The following TFDP2 variants were observed in gnomAD, a reference collection of about 807,000 sequenced individuals.
The protein encoded by TFDP2 is transcription factor Dp-2.
In TFDP2, 17 loss-of-function variants were observed where a neutral mutation model predicts 59.3. The observed-to-expected ratio is 0.29, with a 90% CI of 0.20 to 0.43. The LOEUF (loss-of-function observed/expected upper bound fraction) is 0.43, where lower values mean the gene tolerates loss of function less well. TFDP2 is among the 20% of genes least tolerant of loss of function. The probability of loss-of-function intolerance (pLI) is 1.00; values close to 1 mark genes in which losing one functional copy is unlikely to be tolerated. For missense variants in TFDP2, 391 were observed against 528.8 expected (o/e 0.74, Z 2.56); for synonymous variants, 180 against 194.7 (o/e 0.92, Z 0.63).
At chr3:141,964,975 C>A (rs1388845705) in intron 9 of TFDP2, among the ~76,000 whole-genome samples, 2 of 152,174 alleles carry the variant, frequency 1.3e-5, no homozygotes, top group East Asian at 3.9e-4. Context: ...AGTGATCTCC[C>A]TTTTAGACGG....
intron 3 of TFDP2, among the ~76,000 whole-genome samples, chr3:142,059,589 T>C (rs186299781): frequency 6.6e-6 from 1 of 151,216 alleles, no homozygotes; most frequent in Non-Finnish European, 1.5e-5. Context: ...GCTTTCTTTC[T>C]TTTTTTTTGA....
rs1007406793 is a variant in TFDP2 at position 142,113,612 on chromosome 3, G to T, written c.-92-11771C>A. 3.3e-5 allele frequency among the ~76,000 whole-genome samples: 5 copies of T among 151,978 alleles called. 1 individual carries two copies. Among genetic ancestry groups the T allele is most frequent in the Admixed American group, 3.3e-4 (5 of 15,246 alleles). ...AATATATGTTTATAGACAAACTGTTGTATAATGAACTATATGCAAGCATGA... is the reference window on the plus strand; with the variant it reads ...AATATATGTTTATAGACAAACTGTTTTATAATGAACTATATGCAAGCATGA... On this transcript the variant is annotated intron_variant, in intron 1 of 12. Transcript: ENST00000489671.
intron 5 of TFDP2, chr3:141,994,560 T>A (rs1347447777): frequency 6.6e-6 from 1 of 152,274 alleles, no homozygotes; most frequent in East Asian, 1.9e-4. Context: ...ATTCAATTGT[T>A]CAGCGTTTAA....
At chr3:141,956,946 C>CA (rs1013476463) in intron 11 of TFDP2, among the ~76,000 whole-genome samples, 1 of 150,922 alleles carries the variant, frequency 6.6e-6, no homozygotes, top group Admixed American at 6.6e-5. Context: ...CCCCACCCCC[C>CA]CCACAAAAAT....
At chr3:142,140,065 CT>C (rs1201728083) in intron 1 of TFDP2, among the ~76,000 whole-genome samples, 1 of 152,118 alleles carries the variant, frequency 6.6e-6, no homozygotes, top group Non-Finnish European at 1.5e-5. Flanking sequence ...TTGTTCATTT[CT>C]TTTTACTCTT....
intron 6 of TFDP2, among the ~76,000 whole-genome samples, chr3:141,990,874 C>T (rs975794827): frequency 1.5e-4 from 23 of 151,980 alleles, no homozygotes; most frequent in Admixed American, 5.9e-4. Context: ...TGGGCTAACA[C>T]GGTGAAACCC....
At chr3:141,995,613 G>A (rs750817781) in intron 4 of TFDP2, among the ~76,000 whole-genome samples, 11 of 152,144 alleles carry the variant, frequency 7.2e-5, no homozygotes, top group African/African-American at 2.7e-4. Flanking sequence ...GACCAGGAGC[G>A]GTGGCTCGTG....
Position 141,978,698 on chromosome 3 carries a change from G to GT in TFDP2, c.357-17dup, listed in dbSNP as rs760256002. On this transcript the variant is annotated splice_polypyrimidine_tract_variant and intron_variant, in intron 6 of 12. Transcript: ENST00000489671. The stretch of plus-strand genomic sequence containing the variant: ...GCTTCGTTTACTAGAAGGGAAAAAA[G>GT]TTTTTTTTACTCCATTATACATATT... 50 of 1,582,188 alleles carry GT rather than the reference G, an allele frequency of 3.2e-5. No individual in the cohort carries two copies. The highest frequency in any genetic ancestry group is 8.1e-5 in the South Asian group (7 of 86,006).
At chr3:141,994,875 A>G in intron 5 of TFDP2, 145 bp downstream of exon 5, 1 of 605,580 alleles carries the variant, frequency 1.7e-6, no homozygotes, top group Non-Finnish European at 2.6e-6. Flanking sequence ...TCTAAGATAT[A>G]AAGTGAAATA....
chr3:142,043,099 T>G (rs1288126048), intron 3 of TFDP2, among the ~76,000 whole-genome samples: 1 of 150,016 alleles, frequency 6.7e-6, no homozygotes. Flanking sequence ...CAGGCTGGAG[T>G]GCAGTGGCAC....
chr3:142,064,354 G>A (rs2060008471), intron 3 of TFDP2, among the ~76,000 whole-genome samples: 1 of 152,154 alleles, frequency 6.6e-6, no homozygotes, highest in South Asian at 2.1e-4. Flanking sequence ...AACTCTGGAG[G>A]TGATGCCTGG....
Position 141,968,336 on chromosome 3 carries a change from T to A in TFDP2, c.732+1737A>T, listed in dbSNP as rs928188068. Among the ~76,000 whole-genome samples the A allele has an allele frequency of 5.4e-4, 60 of 111,306 alleles. 1 individual carries two copies. The highest frequency in any genetic ancestry group is 9.8e-4 in the South Asian group (4 of 4,074). The allele number at this position is 111,306 out of a possible 152,430, so 73.0% of individuals were successfully genotyped here. On this transcript the variant is annotated intron_variant, in intron 9 of 12. Coordinates refer to ENST00000489671, the MANE Select transcript of TFDP2 (RefSeq NM_001178139.2). The stretch of plus-strand genomic sequence containing the variant: ...AACTATATATAACATATAATATATA[T>A]AATATATAACTATATATAACATATA...
intron 1 of TFDP2, among the ~76,000 whole-genome samples, chr3:142,138,630 AG>A (rs1274875182): frequency 6.6e-6 from 1 of 152,230 alleles, no homozygotes; most frequent in Non-Finnish European, 1.5e-5. Context: ...TTATGTACCC[AG>A]TAGTCATTCA....
At chr3:141,993,043 A>G (rs1273893517) in intron 6 of TFDP2, among the ~76,000 whole-genome samples, 1 of 151,532 alleles carries the variant, frequency 6.6e-6, no homozygotes, top group African/African-American at 2.4e-5. Flanking sequence ...AAATGTTTTA[A>G]GAAAAACTTA....
rs557691025 is a variant in TFDP2, at chr3:141,978,766, CAGT to C, written c.357-87_357-85del. Reference sequence around the variant, plus strand: ...ATCTCTGTAAGATAATGCAAGAAGACAGTAATTTAAGTTTTACTTCAAGTGTCA... The same window carrying C: ...ATCTCTGTAAGATAATGCAAGAAGACAATTTAAGTTTTACTTCAAGTGTCA... On this transcript the variant is annotated intron_variant, in intron 6 of 12. Transcript: ENST00000489671. The C allele has an allele frequency of 1.6e-4, 166 of 1,046,266 alleles. 1 individual carries two copies. The African/African-American group carries it at 2.4e-3, about 15-fold the overall frequency. The allele number at this position is 1,046,266 out of a possible 1,614,324, so 64.8% of individuals were successfully genotyped here.
At chr3:141,977,772 GC>G (rs1239872968) in intron 7 of TFDP2, among the ~76,000 whole-genome samples, 2 of 151,928 alleles carry the variant, frequency 1.3e-5, no homozygotes, top group African/African-American at 2.4e-5. Context: ...GTACAGTGGT[GC>G]GATCTTGGCT....
intron 3 of TFDP2, among the ~76,000 whole-genome samples, chr3:142,009,205 T>C (rs939774796): frequency 9.2e-5 from 14 of 152,212 alleles, no homozygotes; most frequent in African/African-American, 3.4e-4. Context: ...TCAGCAAAGA[T>C]TGAAAGTATT....
chr3:142,057,385 C>T (rs1409270746), intron 3 of TFDP2, among the ~76,000 whole-genome samples: 1 of 152,168 alleles, frequency 6.6e-6, no homozygotes, highest in Non-Finnish European at 1.5e-5. Flanking sequence ...AGAGCTAAGA[C>T]AACTCTAAAA....
At chr3:141,974,671 T>C (rs1051014408) in intron 7 of TFDP2, among the ~76,000 whole-genome samples, 2 of 152,112 alleles carry the variant, frequency 1.3e-5, no homozygotes, top group East Asian at 1.9e-4. Flanking sequence ...GAAAAAGGTA[T>C]TGGAGGTAAA....
Sources: gnomAD v4.1 joint callset for allele counts (sites outside exome capture counted in the v4.1 genomes callset) on GRCh38, gnomAD v4.1.1 for gene constraint, MANE v1.5 for transcripts, NCBI Gene and HGNC (gene_info 2026-07-23, HGNC 2026-07-21) for gene names.